Variants in DEFB134 observed in about 807,000 individuals in gnomAD.
The protein encoded by DEFB134 is defensin beta 134.
A neutral mutation model predicts 7.4 loss-of-function variants in DEFB134; 7 were observed. The observed-to-expected ratio is 0.95, with a 90% CI of 0.54 to 1.79. The LOEUF is 1.79. Among genes scored for constraint, DEFB134 ranks in the 40% most tolerant of loss-of-function variants. The probability of loss-of-function intolerance (pLI) is 0.00; values close to 1 mark genes in which losing one functional copy is unlikely to be tolerated. For synonymous variants in DEFB134, 33 were observed against 25.0 expected, an observed-to-expected ratio of 1.32 and a Z score of -0.96; for missense variants, 105 against 74.8, an observed-to-expected ratio of 1.40 and a Z score of -1.49.
At chr8:12,000,353 G>T (rs1172062602), upstream of DEFB134, among the ~76,000 whole-genome samples, 2 of 151,910 alleles carry the variant, frequency 1.3e-5, no homozygotes, top group African/African-American at 4.8e-5. Context: ...ACCAGTATTG[G>T]GCTGAAAGTC....
chr8:11,999,533 C>G (rs1800217110), upstream of DEFB134: 1 of 152,230 alleles, frequency 6.6e-6, no homozygotes, highest in Non-Finnish European at 1.5e-5. Flanking sequence ...ATTCTTTTCC[C>G]CAGAACGGAC....
At chr8:12,000,298 G>A (rs1346547661), upstream of DEFB134, among the ~76,000 whole-genome samples, 4 of 151,960 alleles carry the variant, frequency 2.6e-5, no homozygotes, top group East Asian at 1.9e-4. Context: ...TGATTAGACT[G>A]TGAAATCCGA....
At chr8:11,995,716 T>G (rs1800101076) in intron 1 of DEFB134, among the ~76,000 whole-genome samples, 1 of 152,236 alleles carries the variant, frequency 6.6e-6, no homozygotes, top group African/African-American at 2.4e-5. Context: ...TTGTCACTAT[T>G]TTCTGGTTTT....
exon 2 of DEFB134, chr8:11,994,072 T>C (rs1372039433): frequency 6.2e-7 from 1 of 1,613,742 alleles, no homozygotes; most frequent in African/African-American, 1.3e-5. Flanking sequence ...AGTCTGCAGA[T>C]GCCATTTTTA....
At chr8:12,000,079 C>A (rs1022947142), upstream of DEFB134, among the ~76,000 whole-genome samples, 3 of 152,198 alleles carry the variant, frequency 2.0e-5, no homozygotes, top group Non-Finnish European at 4.4e-5. Flanking sequence ...TGACCCTGAG[C>A]CATACAGATT....
upstream of DEFB134, among the ~76,000 whole-genome samples, chr8:11,997,538 C>G (rs1008141838): frequency 6.6e-6 from 1 of 151,946 alleles, no homozygotes; most frequent in Non-Finnish European, 1.5e-5. Flanking sequence ...ATCTAGCAAG[C>G]AAATGGAAAA....
chr8:11,996,100 A>T, intron 1 of DEFB134, 94 bp downstream of exon 2: 1 of 1,429,536 alleles, frequency 7.0e-7, no homozygotes, highest in Non-Finnish European at 9.6e-7. Flanking sequence ...TTGAAAATTA[A>T]AGGGCCCATG....
chr8:11,996,175 C>T lies in DEFB134; in HGVS notation c.58+19G>A. 6.2e-7 allele frequency: 1 copy of T among 1,613,350 alleles called. No homozygotes were observed. Among genetic ancestry groups the T allele is most frequent in the East Asian group, 2.2e-5 (1 of 44,882 alleles). On this transcript the variant is annotated intron_variant, in intron 1 of 1. Transcript: ENST00000526438. ...TTCTATATGAAGCACCCCTACCCCC[C>T]AAAATATGCCAGTTTTACCTGCCAG...
At chr8:11,999,010 C>G (rs77543231), upstream of DEFB134, 2 of 152,564 alleles carry the variant, frequency 1.3e-5, no homozygotes, top group Non-Finnish European at 2.9e-5. Flanking sequence ...CTGAGCAAAC[C>G]AATAATGAGA....
At chr8:11,996,808 A>G (rs1032821047), upstream of DEFB134, among the ~76,000 whole-genome samples, 15 of 152,344 alleles carry the variant, frequency 9.8e-5, no homozygotes, top group South Asian at 2.1e-4. Context: ...TATATACTAT[A>G]TATCAGTGTC....
chr8:11,996,282 G>T (rs368517437), exon 1 of DEFB134: 1 of 1,612,358 alleles, frequency 6.2e-7, no homozygotes, highest in Non-Finnish European at 8.5e-7. Context: ...GAGGCTAGTG[G>T]CAGGGTCTGA....
At position 11,993,805 on chromosome 8, in the gene DEFB134, T is replaced by TAC. The variant is rs1800041761; in HGVS notation, c.*173_*174dup. ...AAAACCGAGCTCTTTTAAAGAAGGC[T>TAC]ACAGCTCAGCTCTTTAAATTTAAGA... is the stretch of plus-strand genomic sequence containing the variant. On this transcript the variant is annotated 3_prime_UTR_variant, in exon 2 of 2. Coordinates refer to ENST00000526438, the Ensembl canonical transcript of DEFB134. The TAC allele has an allele frequency of 3.7e-6, 3 of 803,640 alleles. No homozygotes were observed. In the Admixed American group the frequency reaches 1.1e-4, roughly 29 times the overall value. The allele number at this position is 803,640 out of a possible 1,614,324, so 49.8% of individuals were successfully genotyped here.
At chr8:11,996,075 A>T in intron 1 of DEFB134, 119 bp downstream of exon 2, 1 of 1,228,676 alleles carries the variant, frequency 8.1e-7, no homozygotes, top group East Asian at 2.4e-5. Flanking sequence ...AAACTAGTTG[A>T]TGCTTTTTTC....
upstream of DEFB134, among the ~76,000 whole-genome samples, chr8:11,999,890 T>C (rs1351571900): frequency 6.6e-6 from 1 of 152,212 alleles, no homozygotes; most frequent in African/African-American, 2.4e-5. Context: ...GGCCACATGG[T>C]GCTCTGGGAT....
chr8:11,999,438 C>CAGCTGG (rs1242139759), upstream of DEFB134: 1 of 158,414 alleles, frequency 6.3e-6, no homozygotes, highest in African/African-American at 2.4e-5. Flanking sequence ...TGTTGATAAA[C>CAGCTGG]AGCTGGAAGA....
At chr8:11,998,001 C>A (rs571893131), upstream of DEFB134, among the ~76,000 whole-genome samples, 8 of 152,058 alleles carry the variant, frequency 5.3e-5, no homozygotes, top group African/African-American at 1.7e-4. Context: ...TTAAAAAGAA[C>A]GCATGCCAGT....
chr8:11,995,497 G>A (rs910380338), intron 1 of DEFB134, among the ~76,000 whole-genome samples: 13 of 152,164 alleles, frequency 8.5e-5, no homozygotes. Context: ...AAAGGATATG[G>A]TGAAGCTAGA....
upstream of DEFB134, among the ~76,000 whole-genome samples, chr8:12,000,387 T>C (rs987530768): frequency 6.6e-6 from 1 of 152,214 alleles, no homozygotes; most frequent in African/African-American, 2.4e-5. Flanking sequence ...GTGCCAAAGG[T>C]ATATTTGTTG....
In DEFB134 at chr8:11,994,434, C is replaced by T. The variant is rs554580496; in HGVS notation, c.59-312G>A. 6.6e-5 allele frequency among the ~76,000 whole-genome samples: 10 copies of T among 152,318 alleles called. No homozygotes were observed. In the East Asian group the frequency reaches 1.7e-3, roughly 26 times the overall value. The stretch of plus-strand genomic sequence containing the variant: ...AGGCTAATCCAATAGGATTGATGGT[C>T]TTATTAGTGAAGGTCACGGCAAAAA... On this transcript the variant is annotated intron_variant, in intron 1 of 1. Coordinates refer to ENST00000526438, the Ensembl canonical transcript of DEFB134.
Sources: allele counts gnomAD v4.1 joint callset (sites outside exome capture counted in the v4.1 genomes callset), GRCh38; gene constraint gnomAD v4.1.1; transcripts MANE v1.5; gene names NCBI Gene and HGNC (gene_info 2026-07-23, HGNC 2026-07-21).